PCDHA10: variants seen among roughly 807,000 people sequenced by gnomAD.
The protein encoded by PCDHA10 is protocadherin alpha 10.
PCDHA10 carries 45 observed loss-of-function variants against 61.2 expected under a neutral mutation model. The observed-to-expected ratio is 0.74, with a 90% CI of 0.58 to 0.94. The LOEUF (loss-of-function observed/expected upper bound fraction) is 0.94. Among genes scored for constraint, PCDHA10 ranks in the 40% least tolerant of loss-of-function variants. The probability of loss-of-function intolerance (pLI) is 0.00; values close to 1 mark genes in which losing one functional copy is unlikely to be tolerated. For synonymous variants in PCDHA10, 602 were observed against 548.8 expected, an observed-to-expected ratio of 1.10 and a Z score of -1.35; for missense variants, 1,278 against 1,236.2, an observed-to-expected ratio of 1.03 and a Z score of -0.51.
chr5:140,885,641 T>G (rs917089389), intron 1 of PCDHA10, among the ~76,000 whole-genome samples: 10 of 152,200 alleles, frequency 6.6e-5, no homozygotes, highest in Admixed American at 6.5e-4. Context: ...GCCTTCCAAG[T>G]ATTTTGGAAC....
chr5:140,986,834 C>T (rs2097214742), intron 3 of PCDHA10, among the ~76,000 whole-genome samples: 1 of 152,104 alleles, frequency 6.6e-6, no homozygotes. Context: ...CAATGGTTCT[C>T]AAAGGGGCAG....
chr5:140,877,811 G>T (rs1256619106), intron 1 of PCDHA10: 1 of 1,610,242 alleles, frequency 6.2e-7, no homozygotes, highest in Non-Finnish European at 8.5e-7. Flanking sequence ...CAGCTGTCTC[G>T]AGAAGATTGT....
chr5:140,927,137 A>T, intron 1 of PCDHA10: 1 of 1,614,052 alleles, frequency 6.2e-7, no homozygotes, highest in Non-Finnish European at 8.5e-7. Context: ...GAGCCGGCGG[A>T]CCGCGAACAG....
At chr5:140,913,862 T>G (rs1554196081) in intron 1 of PCDHA10, among the ~76,000 whole-genome samples, 1 of 152,218 alleles carries the variant, frequency 6.6e-6, no homozygotes, top group African/African-American at 2.4e-5. Flanking sequence ...GCATATTGTT[T>G]AATTTCCATG....
intron 1 of PCDHA10, among the ~76,000 whole-genome samples, chr5:140,971,942 C>A (rs2153791969): frequency 6.6e-6 from 1 of 152,140 alleles, no homozygotes; most frequent in Middle Eastern, 3.4e-3. Flanking sequence ...AAGTTGTATC[C>A]ATCTGACTCC....
intron 1 of PCDHA10, among the ~76,000 whole-genome samples, chr5:140,898,157 G>T (rs1455235992): frequency 2.6e-5 from 4 of 152,162 alleles, no homozygotes; most frequent in African/African-American, 7.2e-5. Flanking sequence ...CACGCTGATG[G>T]TGGTTTCTTT....
intron 1 of PCDHA10, chr5:140,968,038 C>T (rs1554230238): frequency 8.7e-6 from 14 of 1,614,148 alleles, no homozygotes; most frequent in East Asian, 2.2e-5. Flanking sequence ...TGGTGGTGAG[C>T]GGCCCACTGG....
intron 3 of PCDHA10, among the ~76,000 whole-genome samples, chr5:141,007,673 A>C (rs2098339698): frequency 6.6e-6 from 1 of 152,136 alleles, no homozygotes; most frequent in African/African-American, 2.4e-5. Flanking sequence ...ACAAAGACAA[A>C]AGTTATCCTA....
intron 1 of PCDHA10, among the ~76,000 whole-genome samples, chr5:140,872,243 T>A (rs1484959006): frequency 6.6e-6 from 1 of 152,192 alleles, no homozygotes; most frequent in African/African-American, 2.4e-5. Flanking sequence ...TCTTTATTCC[T>A]GTGATAATAC....
intron 1 of PCDHA10, among the ~76,000 whole-genome samples, chr5:140,932,418 ATTG>A (rs1457931424): frequency 1.3e-5 from 2 of 151,928 alleles, no homozygotes; most frequent in African/African-American, 4.8e-5. Context: ...ATATTAGTGT[ATTG>A]TTCACCTGGA....
At position 140,903,272 on chromosome 5, in the gene PCDHA10, G is replaced by A. The variant is rs907509606; in HGVS notation, c.2388+44836G>A. Among the ~76,000 whole-genome samples the A allele has an allele frequency of 2.6e-5, 4 of 152,138 alleles. No individual in the cohort carries two copies. The East Asian group carries it at 5.8e-4, about 22-fold the overall frequency. ...TAGTAATTCTTGCAGGAGTGAGGTA[G>A]TGTCTCATTGTGCATTAGGAAATTT... On this transcript the variant is annotated intron_variant, in intron 1 of 3. Transcript: ENST00000307360.
chr5:140,927,225 G>A, intron 1 of PCDHA10: 2 of 1,614,112 alleles, frequency 1.2e-6, no homozygotes, highest in South Asian at 2.2e-5. Context: ...ACAAGATTCG[G>A]ATTCACGTCC....
intron 1 of PCDHA10, chr5:140,927,104 C>T (rs1554204027): frequency 6.2e-7 from 1 of 1,613,722 alleles, no homozygotes; most frequent in Admixed American, 1.7e-5. Flanking sequence ...GTGGATCTAC[C>T]CAGCGGCAAT....
chr5:140,871,210 A>T (rs2052831697), intron 1 of PCDHA10: 2 of 1,613,818 alleles, frequency 1.2e-6, no homozygotes, highest in Middle Eastern at 1.7e-4. Flanking sequence ...GATCATCGCC[A>T]TCTGCGTGGT....
intron 1 of PCDHA10, chr5:140,927,082 C>G (rs141480000): frequency 6.2e-7 from 1 of 1,611,100 alleles, no homozygotes; most frequent in Non-Finnish European, 8.5e-7. Flanking sequence ...CCACCGCGAG[C>G]TCTACTTCGG....
intron 1 of PCDHA10, among the ~76,000 whole-genome samples, chr5:140,895,893 C>A (rs899081253): frequency 6.6e-6 from 1 of 152,188 alleles, no homozygotes; most frequent in African/African-American, 2.4e-5. Context: ...CTCACTGCAA[C>A]CTCCGCGTCC....
chr5:140,954,091 A>G (rs1055518318), intron 1 of PCDHA10, among the ~76,000 whole-genome samples: 1 of 152,204 alleles, frequency 6.6e-6, no homozygotes, highest in African/African-American at 2.4e-5. Flanking sequence ...AGCTCCATCC[A>G]TGTCCCTGCA....
At chr5:140,876,561 T>G in intron 1 of PCDHA10, 2 of 1,614,162 alleles carry the variant, frequency 1.2e-6, no homozygotes, top group Non-Finnish European at 1.7e-6. Flanking sequence ...AAGAGGATGC[T>G]CAGGTGGGTA....
chr5:141,000,051 C>T (rs1483967510), intron 3 of PCDHA10, among the ~76,000 whole-genome samples: 3 of 152,100 alleles, frequency 2.0e-5, no homozygotes, highest in African/African-American at 7.2e-5. Flanking sequence ...ACACCACTCT[C>T]CCAGCTGCTC....
Sources: gnomAD v4.1 joint callset for allele counts (sites outside exome capture counted in the v4.1 genomes callset) on GRCh38, gnomAD v4.1.1 for gene constraint, MANE v1.5 for transcripts, NCBI Gene and HGNC (gene_info 2026-07-23, HGNC 2026-07-21) for gene names.